FBN2: variants seen among roughly 807,000 people sequenced by gnomAD.
FBN2 encodes the protein fibrillin 2, also known as fibrillin-2.
In FBN2, 105 loss-of-function variants were observed where a neutral mutation model predicts 355.6. That is an observed-to-expected ratio of 0.30 (90% CI 0.25 to 0.35). The LOEUF is 0.35. Ranked by LOEUF, FBN2 falls within the 10% of genes least tolerant of loss-of-function variation. The pLI is 1.00. For missense variants in FBN2, 3,280 were observed against 3,758.7 expected (o/e 0.87, Z 3.33); for synonymous variants, 1,350 against 1,301.2 (o/e 1.04, Z -0.81).
intron 6 of FBN2, among the ~76,000 whole-genome samples, chr5:128,452,567 G>A (rs1754281179): frequency 1.3e-5 from 2 of 152,096 alleles, no homozygotes; most frequent in Admixed American, 6.5e-5. Context: ...GAAAATATGT[G>A]CAGTATTATA....
chr5:128,471,277 T>C (rs1385126755), intron 5 of FBN2, among the ~76,000 whole-genome samples: 2 of 152,170 alleles, frequency 1.3e-5, no homozygotes, highest in East Asian at 3.9e-4. Context: ...ATGATGAGGT[T>C]ATAATTGAGA....
At chr5:128,281,725 G>A (rs1486527470) in intron 55 of FBN2, among the ~76,000 whole-genome samples, 10 of 152,140 alleles carry the variant, frequency 6.6e-5, no homozygotes, top group East Asian at 5.8e-4. Context: ...TCGCTCTGTC[G>A]ACCAGGCAGG....
intron 5 of FBN2, among the ~76,000 whole-genome samples, chr5:128,481,837 T>A (rs1725213082): frequency 6.6e-6 from 1 of 152,220 alleles, no homozygotes; most frequent in Non-Finnish European, 1.5e-5. Flanking sequence ...TCATTTTTGA[T>A]ATAGAATAGT....
At chr5:128,473,012 C>T (rs968938269) in intron 5 of FBN2, among the ~76,000 whole-genome samples, 7 of 152,126 alleles carry the variant, frequency 4.6e-5, no homozygotes, top group South Asian at 2.1e-4. Flanking sequence ...ACATTGACCA[C>T]GCCCCTCGTG....
chr5:128,509,052 G>C (rs945448341), intron 5 of FBN2, among the ~76,000 whole-genome samples: 1 of 151,938 alleles, frequency 6.6e-6, no homozygotes, highest in African/African-American at 2.4e-5. Context: ...TTGAGAAATT[G>C]ATTATGATGT....
intron 14 of FBN2, 129 bp from the exon 15 acceptor site, chr5:128,374,879 A>T: frequency 1.0e-6 from 1 of 957,362 alleles, no homozygotes; most frequent in Non-Finnish European, 1.6e-6. Context: ...AAGAACAAAT[A>T]AGTGTGGTAA....
At chr5:128,536,629 A>C in intron 1 of FBN2, 145 bp from the exon 2 acceptor site, 5 of 714,282 alleles carry the variant, frequency 7.0e-6, no homozygotes, top group Non-Finnish European at 1.3e-5. Flanking sequence ...GGAGATCGGG[A>C]GGCAGACGTG....
At chr5:128,330,845 A>ACCCAATG in intron 32 of FBN2, 150 bp from the exon 33 acceptor site, 1 of 885,224 alleles carries the variant, frequency 1.1e-6, no homozygotes, top group Non-Finnish European at 1.8e-6. Context: ...AAGCTCTCAG[A>ACCCAATG]CCCAATGTCC....
At chr5:128,513,566 G>A (rs1379884561) in intron 5 of FBN2, among the ~76,000 whole-genome samples, 1 of 152,188 alleles carries the variant, frequency 6.6e-6, no homozygotes, top group Admixed American at 6.5e-5. Flanking sequence ...GTTCAAAAGA[G>A]AATAAAATAT....
At chr5:128,313,865 A>AC (rs909285350) in intron 36 of FBN2, among the ~76,000 whole-genome samples, 1 of 151,190 alleles carries the variant, frequency 6.6e-6, no homozygotes, top group Non-Finnish European at 1.5e-5. Flanking sequence ...AAAAAAAAAA[A>AC]AAAAAAAAAA....
chr5:128,509,414 T>C (rs1756052084), intron 5 of FBN2, among the ~76,000 whole-genome samples: 1 of 152,202 alleles, frequency 6.6e-6, no homozygotes, highest in African/African-American at 2.4e-5. Context: ...GTAGTTTTCA[T>C]CTGTAGAAGT....
At chr5:128,313,273 T>C (rs1427781334) in intron 36 of FBN2, among the ~76,000 whole-genome samples, 1 of 152,188 alleles carries the variant, frequency 6.6e-6, no homozygotes, top group African/African-American at 2.4e-5. Flanking sequence ...ACAGTTATCA[T>C]CCAGATCACT....
intron 8 of FBN2, among the ~76,000 whole-genome samples, chr5:128,403,135 A>G (rs745573790): frequency 6.8e-4 from 103 of 152,222 alleles, no homozygotes; most frequent in Non-Finnish European, 1.2e-3. Context: ...CCAGCGTTAC[A>G]TAGAGTGCTG....
chr5:128,400,244 A>G (rs1365250115), intron 8 of FBN2, among the ~76,000 whole-genome samples: 1 of 152,046 alleles, frequency 6.6e-6, no homozygotes, highest in African/African-American at 2.4e-5. Flanking sequence ...AAAAGAAAAT[A>G]TTTAGAAATA....
chr5:128,261,929 T>C (rs1764986896), intron 63 of FBN2, 22 bp from the exon 64 acceptor site: 4 of 1,607,412 alleles, frequency 2.5e-6, no homozygotes, highest in Non-Finnish European at 2.6e-6. Context: ...AAGCAAAGTA[T>C]TGTTAGACTT....
At chr5:128,401,537 C>T (rs1034006066) in intron 8 of FBN2, among the ~76,000 whole-genome samples, 2 of 152,144 alleles carry the variant, frequency 1.3e-5, no homozygotes, top group Admixed American at 1.3e-4. Flanking sequence ...AATCCCAGCA[C>T]TTTGGGAGGC....
intron 13 of FBN2, among the ~76,000 whole-genome samples, chr5:128,377,353 C>T (rs994906628): frequency 1.3e-5 from 2 of 152,016 alleles, no homozygotes; most frequent in Non-Finnish European, 2.9e-5. Context: ...TTTTTATATT[C>T]CTCCAGTTTG....
chr5:128,389,477 C>T (rs974825696), intron 11 of FBN2, among the ~76,000 whole-genome samples: 5 of 152,190 alleles, frequency 3.3e-5, no homozygotes, highest in Admixed American at 6.5e-5. Context: ...TGGCAGAGGC[C>T]GGCAGATGGG....
At chr5:128,316,262 C>T (rs1201316116) in intron 36 of FBN2, among the ~76,000 whole-genome samples, 1 of 152,244 alleles carries the variant, frequency 6.6e-6, no homozygotes, top group South Asian at 2.1e-4. Flanking sequence ...TTCCACTTCT[C>T]GTTATTTTAC....
Sources: gnomAD v4.1 joint callset for allele counts (sites outside exome capture counted in the v4.1 genomes callset) on GRCh38, gnomAD v4.1.1 for gene constraint, MANE v1.5 for transcripts, NCBI Gene and HGNC (gene_info 2026-07-23, HGNC 2026-07-21) for gene names.